JADE3: variants seen among roughly 807,000 people sequenced by gnomAD.
JADE3 encodes jade family PHD finger 3, also known as protein Jade-3.
In JADE3, 2 loss-of-function variants were observed where a neutral mutation model predicts 50.1. The observed-to-expected ratio is 0.04, with a 90% CI of 0.02 to 0.13. The LOEUF (loss-of-function observed/expected upper bound fraction) is 0.13, where lower values mean the gene tolerates loss of function less well. Among genes scored for constraint, JADE3 ranks in the 10% least tolerant of loss-of-function variants. The probability of loss-of-function intolerance (pLI) is 1.00; values close to 1 mark genes in which losing one functional copy is unlikely to be tolerated. For synonymous variants in JADE3, 218 were observed against 232.9 expected, an observed-to-expected ratio of 0.94 and a Z score of 0.58; for missense variants, 475 against 634.4, an observed-to-expected ratio of 0.75 and a Z score of 2.70.
At chrX:47,030,075 A>G (rs1928985168) in intron 6 of JADE3, among the ~76,000 whole-genome samples, 1 of 110,805 alleles carries the variant, frequency 9.0e-6, no homozygotes, top group Non-Finnish European at 1.9e-5. Context: ...TATACTATAT[A>G]TATATATATA....
chrX:47,002,910 A>G (rs1928319838), intron 4 of JADE3, among the ~76,000 whole-genome samples: 1 of 111,435 alleles, frequency 9.0e-6, no homozygotes, highest in South Asian at 3.7e-4. Flanking sequence ...CTTTCAATAT[A>G]TTAAGTATGA....
chrX:47,038,354 G>GT (rs1186665837), intron 7 of JADE3, among the ~76,000 whole-genome samples: 3 of 110,020 alleles, frequency 2.7e-5, no homozygotes, highest in African/African-American at 9.9e-5. Flanking sequence ...TATTTTTTGT[G>GT]TTTTTTTTAG....
At chrX:46,940,846 A>G (rs1289741957) in intron 1 of JADE3, among the ~76,000 whole-genome samples, 2 of 111,990 alleles carry the variant, frequency 1.8e-5, no homozygotes, top group African/African-American at 6.5e-5. Flanking sequence ...TAAGGCACAA[A>G]TCATCTTGTT....
chrX:46,985,590 T>C, intron 2 of JADE3, 123 bp from the exon 3 acceptor site: 1 of 486,768 alleles, frequency 2.1e-6, no homozygotes, highest in Non-Finnish European at 3.5e-6. Context: ...TCTTCAGTGG[T>C]ATGAGCTCTC....
intron 1 of JADE3, among the ~76,000 whole-genome samples, chrX:46,977,927 G>A (rs1406505048): frequency 8.9e-6 from 1 of 111,948 alleles, no homozygotes; most frequent in African/African-American, 3.3e-5. Context: ...GAAGTAGCTG[G>A]AAAATGGGTA....
At chrX:47,003,609 G>GTA (rs1192166620) in intron 4 of JADE3, among the ~76,000 whole-genome samples, 6 of 98,302 alleles carry the variant, frequency 6.1e-5, no homozygotes, top group Admixed American at 1.2e-4. Flanking sequence ...TATAATTAAT[G>GTA]TATATATATA....
intron 4 of JADE3, among the ~76,000 whole-genome samples, chrX:47,005,803 A>AG (rs1928401072): frequency 9.0e-6 from 1 of 111,633 alleles, no homozygotes; most frequent in African/African-American, 3.3e-5. Flanking sequence ...ATGGAAGCCT[A>AG]GTGGGGGGCT....
chrX:47,054,515 A>G lies in JADE3; in HGVS notation c.1330A>G (p.Lys444Glu). ...ACTGAAGCGGAAAAGTAACTTCAAT[A>G]AGCCATTATTTCCTCCAAAGGAGGA... is the stretch of plus-strand genomic sequence containing the variant. ...WKLKRKSNFN[K>E]PLFPPKEDEE... The change falls in exon 9 of 11, where the codon AAG becomes GAG. Residue 444 changes from lysine (K) to glutamate (E), a missense_variant. Physicochemically the swap from Lys to Glu is moderately conservative, Grantham distance 56. Coordinates refer to ENST00000614628, the MANE Select transcript of JADE3 (RefSeq NM_014735.5). 8.3e-7 allele frequency: 1 copy of G among 1,209,864 alleles called. No individual in the cohort carries two copies.
intron 7 of JADE3, 41 bp downstream of exon 7, chrX:47,033,829 G>T: frequency 1.9e-6 from 2 of 1,070,322 alleles, no homozygotes; most frequent in Non-Finnish European, 2.5e-6. Context: ...TTGCTCCAGG[G>T]TGTCCCTGTT....
chrX:46,984,808 T>A, intron 1 of JADE3, 76 bp from the exon 2 acceptor site: 2 of 686,029 alleles, frequency 2.9e-6, no homozygotes, highest in South Asian at 4.7e-5. Context: ...ATTTCTGGGA[T>A]CCATGGGACA....
At chrX:46,944,144 A>G (rs1003341154) in intron 1 of JADE3, among the ~76,000 whole-genome samples, 3 of 110,224 alleles carry the variant, frequency 2.7e-5, no homozygotes, top group African/African-American at 9.9e-5. Context: ...TAGCCTTTCA[A>G]ATAACCAACT....
chrX:47,025,454 A>G (rs1185522671), intron 5 of JADE3, among the ~76,000 whole-genome samples: 1 of 112,468 alleles, frequency 8.9e-6, no homozygotes, highest in African/African-American at 3.2e-5. Context: ...AGAGCAAAAC[A>G]TTCACAAAGC....
chrX:46,924,629 T>C (rs1926315598), intron 1 of JADE3, among the ~76,000 whole-genome samples: 1 of 111,971 alleles, frequency 8.9e-6, no homozygotes, highest in Admixed American at 9.5e-5. Context: ...TTTATGTTTC[T>C]TTTTCTTACT....
chrX:46,918,584 T>C (rs1360442835), intron 1 of JADE3, among the ~76,000 whole-genome samples: 2 of 112,217 alleles, frequency 1.8e-5, no homozygotes, highest in African/African-American at 3.2e-5. Context: ...CACAAACATA[T>C]TTACTTTTAA....
At position 47,060,240 on chromosome X, in the gene JADE3, G is replaced by A. The variant is rs942753009; in HGVS notation, c.*1163G>A. The A allele has an allele frequency of 2.0e-5, 2 of 101,095 alleles. No homozygotes were observed. Among genetic ancestry groups the A allele is most frequent in the African/African-American group, 3.6e-5 (1 of 27,411 alleles). The allele number at this position is 101,095 out of a possible 1,213,427, so 8.3% of individuals were successfully genotyped here. On this transcript the variant is annotated 3_prime_UTR_variant, in exon 11 of 11. Coordinates refer to ENST00000614628, the MANE Select transcript of JADE3 (RefSeq NM_014735.5). ...AGGAAGAGAATAATTACATTTGCGG[G>A]GGGGGGGGTGGATAAAAACATGTCT...
intron 4 of JADE3, among the ~76,000 whole-genome samples, 172 bp from the exon 5 acceptor site, chrX:47,024,552 A>G (rs782689657): frequency 8.9e-6 from 1 of 112,163 alleles, no homozygotes; most frequent in South Asian, 3.7e-4. Flanking sequence ...TGAATAAAGA[A>G]TATTGTAAGC....
intron 1 of JADE3, among the ~76,000 whole-genome samples, chrX:46,950,065 G>C (rs1304554006): frequency 8.9e-6 from 1 of 111,903 alleles, no homozygotes; most frequent in Non-Finnish European, 1.9e-5. Context: ...GCATTATGCT[G>C]AATGAAAAAT....
At chrX:46,913,898 G>A (rs1183383745) in intron 1 of JADE3, among the ~76,000 whole-genome samples, 1 of 110,671 alleles carries the variant, frequency 9.0e-6, no homozygotes, top group Non-Finnish European at 1.9e-5. Flanking sequence ...TTGTTTGTGT[G>A]TGTGTGCCGT....
chrX:46,920,393 A>G (rs1256458446), intron 1 of JADE3, among the ~76,000 whole-genome samples: 1 of 112,835 alleles, frequency 8.9e-6, no homozygotes, highest in Non-Finnish European at 1.9e-5. Flanking sequence ...GTGAATGAAT[A>G]GCCTGTTCCT....
Sources: allele counts gnomAD v4.1 joint callset (sites outside exome capture counted in the v4.1 genomes callset), GRCh38; gene constraint gnomAD v4.1.1; transcripts MANE v1.5; gene names NCBI Gene and HGNC (gene_info 2026-07-23, HGNC 2026-07-21).